Variants in DLGAP2 observed in about 807,000 individuals in gnomAD.
DLGAP2 encodes the protein disks large-associated protein 2.
Under a neutral mutation model 100.3 loss-of-function variants are expected in DLGAP2, and 26 were observed. The ratio of observed to expected loss-of-function variants is 0.26; its 90% CI spans 0.19 to 0.36. The LOEUF (loss-of-function observed/expected upper bound fraction) is 0.36. Among genes scored for constraint, DLGAP2 ranks in the 10% least tolerant of loss-of-function variants. DLGAP2 has a pLI of 1.00. For synonymous variants in DLGAP2, 886 were observed against 630.1 expected (o/e 1.41, Z -6.08); for missense variants, 1,858 against 1,453.2 (o/e 1.28, Z -4.53).
chr8:1,229,133 T>C (rs1047740835), intron 2 of DLGAP2, among the ~76,000 whole-genome samples: 6 of 152,176 alleles, frequency 3.9e-5, no homozygotes, highest in African/African-American at 1.2e-4. Context: ...ACTGCCAATG[T>C]ACAATACAAA....
Position 877,535 on chromosome 8 carries a change from G to A in DLGAP2, c.19-30377G>A, listed in dbSNP as rs1797707537. Among the ~76,000 whole-genome samples the A allele has an allele frequency of 2.0e-5, 3 of 152,170 alleles. No homozygotes were observed. In the South Asian group the frequency reaches 6.2e-4, roughly 32 times the overall value. On this transcript the variant is annotated intron_variant, in intron 1 of 14. Transcript: ENST00000637795. ...CTAATTGCTGCTGATTGCAATTGTG[G>A]GCATACATTGCTTCACAAATAAATC...
intron 4 of DLGAP2, among the ~76,000 whole-genome samples, chr8:1,515,933 G>A (rs1234529121): frequency 6.6e-6 from 1 of 152,242 alleles, no homozygotes; most frequent in Non-Finnish European, 1.5e-5. Flanking sequence ...ATGAGTGAGT[G>A]AATGAGTGCA....
At chr8:864,445 C>T (rs950108907) in intron 1 of DLGAP2, among the ~76,000 whole-genome samples, 1 of 152,164 alleles carries the variant, frequency 6.6e-6, no homozygotes, top group Non-Finnish European at 1.5e-5. Context: ...CACTGTGCCC[C>T]ATGAATAAGT....
intron 3 of DLGAP2, among the ~76,000 whole-genome samples, chr8:1,452,274 T>C (rs919803679): frequency 6.6e-6 from 1 of 152,226 alleles, no homozygotes; most frequent in African/African-American, 2.4e-5. Context: ...GGCTGGGTGT[T>C]CTGTGGCTGG....
Position 1,446,295 on chromosome 8 carries a change from C to A in DLGAP2, c.107-55071C>A, listed in dbSNP as rs564427991. Among the ~76,000 whole-genome samples the A allele has an allele frequency of 2.0e-5, 3 of 152,054 alleles. No individual in the cohort carries two copies. The South Asian group carries it at 6.2e-4, about 32-fold the overall frequency. ...AAGGTGTAAGGAAGGGATCCAGTTT[C>A]AGCTTTCTACATATGGCTAGCCAGT... On this transcript the variant is annotated intron_variant, in intron 3 of 14. Coordinates refer to ENST00000637795, the MANE Select transcript of DLGAP2 (RefSeq NM_001346810.2).
chr8:1,378,912 T>A (rs1796028055), intron 3 of DLGAP2, among the ~76,000 whole-genome samples: 1 of 152,238 alleles, frequency 6.6e-6, no homozygotes. Flanking sequence ...TCCTTTGGCC[T>A]CCAAGTTGTT....
At chr8:1,439,857 C>G (rs1045383216) in intron 3 of DLGAP2, among the ~76,000 whole-genome samples, 41 of 152,236 alleles carry the variant, frequency 2.7e-4, no homozygotes, top group Middle Eastern at 3.4e-3. Context: ...GCTCTGGAGG[C>G]CTCTTGTGTG....
chr8:1,481,878 G>C (rs1412337732), intron 3 of DLGAP2, among the ~76,000 whole-genome samples: 1 of 152,216 alleles, frequency 6.6e-6, no homozygotes, highest in Non-Finnish European at 1.5e-5. Flanking sequence ...AGGGCACCCA[G>C]TGGGTTGATC....
intron 4 of DLGAP2, among the ~76,000 whole-genome samples, chr8:1,536,195 C>T (rs1287774455): frequency 6.6e-6 from 1 of 152,138 alleles, no homozygotes. Flanking sequence ...CACCGTGGTT[C>T]TGGCTGGAAC....
At chr8:1,626,518 TACCCTGCAGCA>T (rs1295177679) in intron 6 of DLGAP2, among the ~76,000 whole-genome samples, 66 of 149,710 alleles carry the variant, frequency 4.4e-4, no homozygotes, top group African/African-American at 1.0e-3. Context: ...TTCCCATCTC[TACCCTGCAGCA>T]GGTGCTCAGC....
At chr8:1,056,178 T>G (rs2129033985) in intron 2 of DLGAP2, among the ~76,000 whole-genome samples, 1 of 152,374 alleles carries the variant, frequency 6.6e-6, no homozygotes, top group Admixed American at 6.5e-5. Flanking sequence ...AATACCCGTT[T>G]GTTCCTGGTT....
intron 3 of DLGAP2, among the ~76,000 whole-genome samples, chr8:1,289,550 T>C (rs1800013644): frequency 6.6e-6 from 1 of 152,230 alleles, no homozygotes; most frequent in Non-Finnish European, 1.5e-5. Context: ...TTTCGTTCCT[T>C]GTGGATGCCA....
intron 1 of DLGAP2, among the ~76,000 whole-genome samples, chr8:774,365 T>G (rs1821451741): frequency 6.6e-6 from 1 of 152,234 alleles, no homozygotes; most frequent in African/African-American, 2.4e-5. Flanking sequence ...AGATCCCATT[T>G]GTCAATTTTG....
At chr8:1,378,569 G>A (rs1005855341) in intron 3 of DLGAP2, among the ~76,000 whole-genome samples, 16 of 142,136 alleles carry the variant, frequency 1.1e-4, no homozygotes, top group Non-Finnish European at 2.3e-4. Flanking sequence ...TCTGTCCTGC[G>A]CACACCTGGC....
At chr8:1,648,010 C>A (rs1347557114) in intron 8 of DLGAP2, among the ~76,000 whole-genome samples, 1 of 152,234 alleles carries the variant, frequency 6.6e-6, no homozygotes, top group East Asian at 1.9e-4. Flanking sequence ...TCGGTCATCT[C>A]TTCCACATTT....
At chr8:1,439,550 G>T (rs1000963003) in intron 3 of DLGAP2, among the ~76,000 whole-genome samples, 1 of 152,172 alleles carries the variant, frequency 6.6e-6, no homozygotes, top group Non-Finnish European at 1.5e-5. Context: ...CCTAACGTGG[G>T]CCTCGCTCAG....
intron 6 of DLGAP2, among the ~76,000 whole-genome samples, chr8:1,595,229 C>T (rs1246546325): frequency 2.0e-5 from 3 of 151,924 alleles, no homozygotes; most frequent in Non-Finnish European, 4.4e-5. Context: ...TTAGGAGAGA[C>T]AGGGTTTTGC....
At chr8:997,943 CAA>C (rs888824832) in intron 2 of DLGAP2, among the ~76,000 whole-genome samples, 6 of 150,834 alleles carry the variant, frequency 4.0e-5, no homozygotes, top group African/African-American at 1.2e-4. Context: ...TGCATACAGA[CAA>C]ACACATCACA....
intron 2 of DLGAP2, among the ~76,000 whole-genome samples, chr8:1,040,147 C>T (rs553154920): frequency 5.7e-5 from 8 of 139,266 alleles, no homozygotes; most frequent in South Asian, 2.4e-4. Flanking sequence ...GCTCGCTGCA[C>T]GTGTTCGGCT....
Sources: gnomAD v4.1 joint callset for allele counts (sites outside exome capture counted in the v4.1 genomes callset) on GRCh38, gnomAD v4.1.1 for gene constraint, MANE v1.5 for transcripts, NCBI Gene and HGNC (gene_info 2026-07-23, HGNC 2026-07-21) for gene names.